RBMS3: variants seen among roughly 807,000 people sequenced by gnomAD.
The protein encoded by RBMS3 is RNA binding motif single stranded interacting protein 3, also known as RNA-binding motif, single-stranded-interacting protein 3.
Under a neutral mutation model 66.8 loss-of-function variants are expected in RBMS3, and 27 were observed. The ratio of observed to expected loss-of-function variants is 0.40; its 90% CI spans 0.30 to 0.56. The LOEUF is 0.56. Ranked by LOEUF, RBMS3 falls within the 20% of genes least tolerant of loss-of-function variation. The pLI is 0.40. For missense variants in RBMS3, 513 were observed against 549.5 expected (o/e 0.93, Z 0.66); for synonymous variants, 188 against 183.0 (o/e 1.03, Z -0.22).
chr3:29,933,462 T>C (rs1384079605), intron 10 of RBMS3, among the ~76,000 whole-genome samples: 4 of 131,198 alleles, frequency 3.0e-5, no homozygotes, highest in Non-Finnish European at 7.4e-5. Context: ...ATTAAGAAAA[T>C]TCATTTCTCC....
intron 1 of RBMS3, among the ~76,000 whole-genome samples, chr3:29,408,871 T>G (rs985041091): frequency 1.3e-5 from 2 of 152,206 alleles, no homozygotes; most frequent in African/African-American, 4.8e-5. Context: ...GAACTTATAT[T>G]AGACCATGGC....
At chr3:29,543,613 G>A (rs2045843817) in intron 3 of RBMS3, among the ~76,000 whole-genome samples, 2 of 152,174 alleles carry the variant, frequency 1.3e-5, no homozygotes, top group African/African-American at 4.8e-5. Context: ...AGGTGGCTGA[G>A]GCAGGAGAAT....
chr3:29,522,452 C>A (rs555983321), intron 3 of RBMS3, among the ~76,000 whole-genome samples: 1 of 152,116 alleles, frequency 6.6e-6, no homozygotes, highest in African/African-American at 2.4e-5. Context: ...CCTTTGCCTC[C>A]CACAGTGCTG....
At chr3:29,682,231 C>G (rs1206368261) in intron 4 of RBMS3, among the ~76,000 whole-genome samples, 2 of 152,198 alleles carry the variant, frequency 1.3e-5, no homozygotes, top group African/African-American at 4.8e-5. Context: ...CTGTAACCTC[C>G]TACTCCCTGG....
intron 3 of RBMS3, among the ~76,000 whole-genome samples, chr3:29,580,685 A>G (rs528854913): frequency 2.4e-5 from 2 of 83,964 alleles, no homozygotes; most frequent in African/African-American, 1.3e-4. Context: ...TTAATAATAT[A>G]ATAATAATAA....
At chr3:29,307,825 G>A (rs78793888) in intron 1 of RBMS3, among the ~76,000 whole-genome samples, 3,569 of 151,910 alleles carry the variant, frequency 0.023, 123 homozygotes, top group African/African-American at 0.072. Flanking sequence ...CAGAGCAAGC[G>A]CTGTTGAACA....
At chr3:29,287,527 C>G (rs532853791) in intron 1 of RBMS3, among the ~76,000 whole-genome samples, 30 of 152,016 alleles carry the variant, frequency 2.0e-4, no homozygotes, top group Non-Finnish European at 3.8e-4. Context: ...AAATATGATG[C>G]TCTTCAGTGT....
At chr3:29,604,007 C>T (rs899461345) in intron 4 of RBMS3, among the ~76,000 whole-genome samples, 3 of 151,882 alleles carry the variant, frequency 2.0e-5, no homozygotes, top group East Asian at 1.9e-4. Context: ...GGCATCTGTT[C>T]GGTGGGTAGA....
chr3:29,728,944 TGTATCAAA>T (rs2054003679), intron 4 of RBMS3, among the ~76,000 whole-genome samples: 1 of 152,144 alleles, frequency 6.6e-6, no homozygotes, highest in East Asian at 1.9e-4. Flanking sequence ...GAGAACATTT[TGTATCAAA>T]GTTGTGGCTT....
intron 4 of RBMS3, among the ~76,000 whole-genome samples, chr3:29,643,336 G>C (rs1452262936): frequency 6.6e-6 from 1 of 152,086 alleles, no homozygotes; most frequent in Admixed American, 6.6e-5. Flanking sequence ...GGAGCTTTTA[G>C]GAACAAGGTT....
chr3:29,588,006 A>G (rs1052566236), intron 4 of RBMS3, among the ~76,000 whole-genome samples: 8 of 152,056 alleles, frequency 5.3e-5, no homozygotes, highest in African/African-American at 1.7e-4. Context: ...ATATTGCGCC[A>G]ATGTCAGTTC....
Position 29,473,849 on chromosome 3 carries a change from G to A in RBMS3, c.249-14592G>A, listed in dbSNP as rs763393627. Among the ~76,000 whole-genome samples the A allele has an allele frequency of 6.6e-5, 10 of 152,332 alleles. 1 individual carries two copies. In the South Asian group the frequency reaches 1.0e-3, roughly 16 times the overall value. ...CTGGAAGTCCAGCTGTCCCGCAAGCGCCGCGCGCAGCCCCGGTTCCCGCTC... is the reference window on the plus strand; with the variant it reads ...CTGGAAGTCCAGCTGTCCCGCAAGCACCGCGCGCAGCCCCGGTTCCCGCTC... On this transcript the variant is annotated intron_variant, in intron 2 of 14. Coordinates refer to ENST00000383767, the MANE Select transcript of RBMS3 (RefSeq NM_001003793.3).
At chr3:29,539,168 A>C (rs563035501) in intron 3 of RBMS3, among the ~76,000 whole-genome samples, 5 of 152,338 alleles carry the variant, frequency 3.3e-5, no homozygotes, top group African/African-American at 1.2e-4. Flanking sequence ...TTATGGAGAT[A>C]TAGGCTTCCA....
At chr3:29,809,670 T>C (rs1206206907) in intron 6 of RBMS3, among the ~76,000 whole-genome samples, 1 of 152,038 alleles carries the variant, frequency 6.6e-6, no homozygotes, top group Non-Finnish European at 1.5e-5. Context: ...AGGCTGTCAC[T>C]ATCTTCTCAC....
At chr3:29,944,714 T>C (rs1695180261) in intron 12 of RBMS3, among the ~76,000 whole-genome samples, 1 of 151,790 alleles carries the variant, frequency 6.6e-6, no homozygotes, top group South Asian at 2.1e-4. Context: ...GCACCCTGCA[T>C]AGGGTCTGAC....
intron 1 of RBMS3, among the ~76,000 whole-genome samples, chr3:29,348,127 T>G (rs570508445): frequency 6.6e-6 from 1 of 152,156 alleles, no homozygotes; most frequent in South Asian, 2.1e-4. Flanking sequence ...AAACAACACA[T>G]GAGTTTTCCG....
intron 6 of RBMS3, among the ~76,000 whole-genome samples, chr3:29,827,424 T>C (rs1469992657): frequency 6.6e-6 from 1 of 152,170 alleles, no homozygotes; most frequent in Admixed American, 6.5e-5. Context: ...CGCCTTGTTT[T>C]CCCTCATATC....
chr3:29,399,495 T>G (rs2039709293), intron 1 of RBMS3, among the ~76,000 whole-genome samples: 1 of 152,146 alleles, frequency 6.6e-6, no homozygotes, highest in South Asian at 2.1e-4. Context: ...CTGAGACAAA[T>G]ACTCTAGGAA....
chr3:29,754,169 G>C (rs755349524), intron 5 of RBMS3, among the ~76,000 whole-genome samples: 11 of 151,828 alleles, frequency 7.2e-5, no homozygotes, highest in Non-Finnish European at 1.3e-4. Flanking sequence ...GGCCAGGCTG[G>C]TCCGAACTCC....
Sources: allele counts gnomAD v4.1 joint callset (sites outside exome capture counted in the v4.1 genomes callset), GRCh38; gene constraint gnomAD v4.1.1; transcripts MANE v1.5; gene names NCBI Gene and HGNC (gene_info 2026-07-23, HGNC 2026-07-21).